The following SMARCB1 variants were observed in gnomAD, a reference collection of about 807,000 sequenced individuals.
The protein encoded by SMARCB1 is SWI/SNF-related matrix-associated actin-dependent regulator of chromatin subfamily B member 1.
SMARCB1 carries 5 observed loss-of-function variants against 49.0 expected under a neutral mutation model. That is an observed-to-expected ratio of 0.10 (90% confidence interval 0.05 to 0.21). The LOEUF is 0.21. SMARCB1 is among the 10% of genes least tolerant of loss of function. The pLI is 1.00. For missense variants in SMARCB1, 226 were observed against 509.2 expected (o/e 0.44, Z 5.35); for synonymous variants, 201 against 200.1 (o/e 1.00, Z -0.04).
Position 23,835,649 on chromosome 22 carries a change from G to C in SMARCB1, c.*1469G>C. On this transcript the variant is annotated 3_prime_UTR_variant, in exon 9 of 9. Transcript: ENST00000644036. ...CAGCTGGGCCTTACTGGAAGGCCTT[G>C]AACAAAGGGGAAGATTCCCAGCCCA... 1.0e-6 allele frequency: 1 copy of C among 985,538 alleles called. No individual in the cohort carries two copies. The highest frequency in any genetic ancestry group is 1.2e-6 in the Non-Finnish European group (1 of 829,972). The allele number at this position is 985,538 out of a possible 1,614,324, so 61.0% of individuals were successfully genotyped here. A position where few individuals can be genotyped will look rare whatever the true frequency, so the allele number is the denominator to read the frequency against.
intron 1 of SMARCB1, among the ~76,000 whole-genome samples, chr22:23,788,931 C>A (rs1928189574): frequency 6.6e-6 from 1 of 151,966 alleles, no homozygotes; most frequent in Non-Finnish European, 1.5e-5. Flanking sequence ...CTCACTGCAA[C>A]CTCCGCCTCC....
intron 3 of SMARCB1, among the ~76,000 whole-genome samples, chr22:23,799,029 G>A (rs1034888677): frequency 2.3e-4 from 34 of 145,570 alleles, no homozygotes; most frequent in African/African-American, 8.4e-4. Flanking sequence ...CAGCCCAGGC[G>A]ACAGAGCGAG....
chr22:23,807,961 ATT>A (rs374625560), intron 5 of SMARCB1, among the ~76,000 whole-genome samples: 9 of 105,224 alleles, frequency 8.6e-5, no homozygotes, highest in Non-Finnish European at 7.8e-5. Context: ...CACCCGGCTA[ATT>A]TTTTTTTTTT....
In SMARCB1 at chr22:23,812,728, A is replaced by G. The variant is rs1288446866; in HGVS notation, c.629-4042A>G. On this transcript the variant is annotated intron_variant, in intron 5 of 8. Transcript: ENST00000644036. ...TAACACACTAATGAAGAAAAATCAC[A>G]GGATCAGATCAGTTGATACAGAAAA... is the stretch of plus-strand genomic sequence containing the variant. Among the ~76,000 whole-genome samples the G allele has an allele frequency of 2.0e-5, 3 of 152,198 alleles. No homozygotes were observed. The East Asian group carries it at 5.8e-4, about 29-fold the overall frequency.
intron 5 of SMARCB1, among the ~76,000 whole-genome samples, chr22:23,810,711 C>T (rs978102693): frequency 5.3e-5 from 8 of 151,826 alleles, no homozygotes; most frequent in African/African-American, 1.5e-4. Flanking sequence ...GTATCTGATA[C>T]GGTTCTAAAG....
intron 3 of SMARCB1, among the ~76,000 whole-genome samples, chr22:23,795,395 C>T (rs963046864): frequency 5.3e-5 from 8 of 152,144 alleles, no homozygotes; most frequent in African/African-American, 1.7e-4. Flanking sequence ...GTGGCTCACG[C>T]CTGTAATCCC....
intron 5 of SMARCB1, 179 bp from the exon 6 acceptor site, chr22:23,816,591 C>A: frequency 1.5e-6 from 1 of 689,010 alleles, no homozygotes; most frequent in Non-Finnish European, 2.6e-6. Flanking sequence ...GGCTGGGGGC[C>A]TGCTAGTCAT....
intron 5 of SMARCB1, among the ~76,000 whole-genome samples, chr22:23,805,694 G>A (rs144332482): frequency 3.9e-5 from 6 of 152,164 alleles, no homozygotes; most frequent in East Asian, 1.9e-4. Flanking sequence ...TAGTGGAGAC[G>A]GGATTTCACC....
At chr22:23,799,693 T>TTTTTTTTTC in intron 3 of SMARCB1, among the ~76,000 whole-genome samples, 1 of 133,804 alleles carries the variant, frequency 7.5e-6, no homozygotes, top group Non-Finnish European at 1.6e-5. Flanking sequence ...TTTTTTTTTT[T>TTTTTTTTTC]TTTTTTTTTG....
chr22:23,827,523 C>T (rs1047039152), intron 7 of SMARCB1, among the ~76,000 whole-genome samples: 2 of 152,202 alleles, frequency 1.3e-5, no homozygotes, highest in African/African-American at 2.4e-5. Context: ...CCACTTAGTG[C>T]ATTCCAGTTG....
At chr22:23,829,558 C>T (rs954074334) in intron 7 of SMARCB1, among the ~76,000 whole-genome samples, 2 of 152,186 alleles carry the variant, frequency 1.3e-5, no homozygotes, top group African/African-American at 4.8e-5. Flanking sequence ...AGGAATTAGG[C>T]TGGGGTATGT....
intron 6 of SMARCB1, chr22:23,817,455 G>C: frequency 6.1e-6 from 1 of 165,116 alleles, no homozygotes; most frequent in Non-Finnish European, 1.3e-5. Context: ...ACTATGCCTT[G>C]AGGGTGAGGG....
intron 4 of SMARCB1, chr22:23,801,289 GC>G: frequency 1.3e-6 from 1 of 773,980 alleles, no homozygotes; most frequent in Non-Finnish European, 2.2e-6. Flanking sequence ...CTGTCACCTT[GC>G]CATGTCCTCC....
chr22:23,798,174 C>T (rs2145973230), intron 3 of SMARCB1, among the ~76,000 whole-genome samples: 1 of 152,274 alleles, frequency 6.6e-6, no homozygotes, highest in South Asian at 2.1e-4. Flanking sequence ...TGGAAATCAC[C>T]CGTGGAAGCT....
intron 4 of SMARCB1, chr22:23,801,941 T>C: frequency 6.2e-6 from 1 of 160,934 alleles, no homozygotes; most frequent in South Asian, 1.7e-4. Context: ...CGCGTGGAGA[T>C]CCAGCCCTCT....
intron 5 of SMARCB1, among the ~76,000 whole-genome samples, chr22:23,804,794 G>A (rs1335770727): frequency 6.6e-6 from 1 of 152,190 alleles, no homozygotes; most frequent in East Asian, 1.9e-4. Context: ...GCCTGCCGTG[G>A]CCTCTCACAC....
At position 23,835,547 on chromosome 22, in the gene SMARCB1, C is replaced by T. The variant is rs2030978410; in HGVS notation, c.*1367C>T. The T allele has an allele frequency of 1.7e-5, 17 of 985,358 alleles. No individual in the cohort carries two copies. Among genetic ancestry groups the T allele is most frequent in the South Asian group, 4.7e-5 (1 of 21,300 alleles). 61.0% of individuals were successfully genotyped at this position (985,358 alleles called of 1,614,324 possible). The stretch of plus-strand genomic sequence containing the variant: ...AGCACATGTTAGCATGGGACTCTTC[C>T]CAGGGAGTTTGCACTCAGGGCCTCT... On this transcript the variant is annotated 3_prime_UTR_variant, in exon 9 of 9. Transcript: ENST00000644036.
At chr22:23,822,859 C>T (rs1411837583) in intron 6 of SMARCB1, among the ~76,000 whole-genome samples, 1 of 149,604 alleles carries the variant, frequency 6.7e-6, no homozygotes, top group African/African-American at 2.4e-5. Context: ...GGACTTTCTC[C>T]CCCTCCCTCC....
At chr22:23,793,510 T>G (rs2145963330) in intron 2 of SMARCB1, 49 bp from the exon 3 acceptor site, 1 of 1,609,950 alleles carries the variant, frequency 6.2e-7, no homozygotes, top group South Asian at 1.1e-5. Flanking sequence ...CTGGCTGCTG[T>G]GTGCCACCGC....
Sources: gnomAD v4.1 joint callset for allele counts (sites outside exome capture counted in the v4.1 genomes callset) on GRCh38, gnomAD v4.1.1 for gene constraint, MANE v1.5 for transcripts, NCBI Gene and HGNC (gene_info 2026-07-23, HGNC 2026-07-21) for gene names.